The following CPA6 variants were observed in gnomAD, a reference collection of about 807,000 sequenced individuals.
CPA6 encodes the protein carboxypeptidase B.
In CPA6, 58 loss-of-function variants were observed where a neutral mutation model predicts 63.3. The observed-to-expected ratio is 0.92, with a 90% confidence interval of 0.74 to 1.14. The LOEUF (loss-of-function observed/expected upper bound fraction) is 1.14, where lower values mean the gene tolerates loss of function less well. Among genes scored for constraint, CPA6 ranks in the 50% most tolerant of loss-of-function variants. CPA6 has a pLI of 0.00. For missense variants in CPA6, 565 were observed against 526.6 expected, an observed-to-expected ratio of 1.07 and a Z score of -0.71; for synonymous variants, 185 against 179.0, an observed-to-expected ratio of 1.03 and a Z score of -0.27.
At chr8:67,697,090 T>C (rs1366063216) in intron 1 of CPA6, among the ~76,000 whole-genome samples, 1 of 152,192 alleles carries the variant, frequency 6.6e-6, no homozygotes, top group Non-Finnish European at 1.5e-5. Context: ...GATTGGGCAA[T>C]ATACTTAAGG....
chr8:67,661,830 C>G (rs1326395503), intron 1 of CPA6, among the ~76,000 whole-genome samples: 1 of 152,190 alleles, frequency 6.6e-6, no homozygotes, highest in African/African-American at 2.4e-5. Flanking sequence ...CTTGACTACT[C>G]TGGGTACCTC....
chr8:67,743,714 T>C (rs1817954826), intron 1 of CPA6, among the ~76,000 whole-genome samples: 1 of 152,108 alleles, frequency 6.6e-6, no homozygotes, highest in Non-Finnish European at 1.5e-5. Context: ...TTGTTACTAG[T>C]TTATGTCTAA....
At chr8:67,554,189 A>G (rs894832691) in intron 2 of CPA6, among the ~76,000 whole-genome samples, 1 of 152,158 alleles carries the variant, frequency 6.6e-6, no homozygotes, top group African/African-American at 2.4e-5. Flanking sequence ...GGTAATTTAT[A>G]AAGAAAAGAG....
chr8:67,552,459 C>T (rs1402364779), intron 2 of CPA6, among the ~76,000 whole-genome samples: 1 of 152,138 alleles, frequency 6.6e-6, no homozygotes, highest in Non-Finnish European at 1.5e-5. Context: ...TGAAACACAT[C>T]TTAGTACTTT....
chr8:67,651,828 G>C (rs1006451113), intron 1 of CPA6, among the ~76,000 whole-genome samples: 1 of 151,904 alleles, frequency 6.6e-6, no homozygotes, highest in Non-Finnish European at 1.5e-5. Flanking sequence ...CGCCATGTTG[G>C]TGTGCTGCAC....
At chr8:67,447,781 C>G (rs1587436241) in intron 8 of CPA6, among the ~76,000 whole-genome samples, 2 of 151,904 alleles carry the variant, frequency 1.3e-5, no homozygotes, top group African/African-American at 4.8e-5. Context: ...AATTTTACTT[C>G]CTTTTTTTTC....
chr8:67,734,349 A>AG (rs1423693227), intron 1 of CPA6, among the ~76,000 whole-genome samples: 28 of 149,738 alleles, frequency 1.9e-4, no homozygotes, highest in African/African-American at 6.5e-4. Context: ...CCCATGGAAA[A>AG]AAAAAAAAAA....
intron 8 of CPA6, 167 bp downstream of exon 8, chr8:67,483,601 T>C (rs72655000): frequency 0.051 from 31,390 of 611,940 alleles, 1,028 homozygotes; most frequent in East Asian, 0.12. Flanking sequence ...ATCCTTTCAT[T>C]TTCTTTTGCC....
At chr8:67,451,445 T>A (rs1467164463) in intron 8 of CPA6, among the ~76,000 whole-genome samples, 1 of 152,224 alleles carries the variant, frequency 6.6e-6, no homozygotes, top group Non-Finnish European at 1.5e-5. Context: ...GATGGGACTG[T>A]CTAGTTTCAG....
chr8:67,642,317 CAA>C (rs34398433), intron 1 of CPA6, among the ~76,000 whole-genome samples: 46,555 of 135,618 alleles, frequency 0.34, 7,587 homozygotes, highest in African/African-American at 0.44. Context: ...GACTCCATCT[CAA>C]AAAAAAAAAA....
intron 4 of CPA6, among the ~76,000 whole-genome samples, chr8:67,510,933 T>A (rs1433633269): frequency 6.6e-6 from 1 of 152,182 alleles, no homozygotes; most frequent in Non-Finnish European, 1.5e-5. Flanking sequence ...CACTAGGTGT[T>A]GGTGGAGGAG....
In CPA6 at chr8:67,458,676, C is replaced by A. The variant is rs577687473; in HGVS notation, c.839-24436G>T. On this transcript the variant is annotated intron_variant, in intron 8 of 10. Transcript: ENST00000297770. ...GACACATCTTTTAAAGCGTTAGTAT[C>A]AAAAATATATAAAGAGCTCTTAAAA... Among the ~76,000 whole-genome samples the A allele has an allele frequency of 3.3e-5, 5 of 152,206 alleles. No homozygotes were observed. In the South Asian group the frequency reaches 8.3e-4, roughly 25 times the overall value.
chr8:67,671,554 G>C (rs920565068), intron 1 of CPA6, among the ~76,000 whole-genome samples: 4 of 152,156 alleles, frequency 2.6e-5, no homozygotes, highest in Admixed American at 6.5e-5. Context: ...GCCTTATACT[G>C]TCTATACCTG....
intron 1 of CPA6, among the ~76,000 whole-genome samples, chr8:67,727,902 C>T (rs1418194935): frequency 6.6e-6 from 1 of 151,986 alleles, no homozygotes; most frequent in Non-Finnish European, 1.5e-5. Flanking sequence ...CACAGTGAAA[C>T]CTCGTCTCTA....
chr8:67,429,543 C>A (rs557431317), intron 9 of CPA6: 1 of 152,284 alleles, frequency 6.6e-6, no homozygotes, highest in Non-Finnish European at 1.5e-5. Flanking sequence ...TGTGGATATT[C>A]AGGGACCAGG....
In CPA6 at chr8:67,554,052, G is replaced by T. The variant is rs192155739; in HGVS notation, c.193-36005C>A. ...AATGAAAAATAAATATTTTAGTAAA[G>T]GTTCTCCAGAGAGACACAACTGATA... On this transcript the variant is annotated intron_variant, in intron 2 of 10. Transcript: ENST00000297770. Among the ~76,000 whole-genome samples the T allele has an allele frequency of 8.5e-3, 1,299 of 152,192 alleles. 11 individuals are homozygous for T. Among genetic ancestry groups the T allele is most frequent in the Admixed American group, 0.014 (219 of 15,286 alleles).
At chr8:67,644,621 G>C (rs1224865817) in intron 1 of CPA6, among the ~76,000 whole-genome samples, 1 of 152,204 alleles carries the variant, frequency 6.6e-6, no homozygotes, top group East Asian at 1.9e-4. Flanking sequence ...CTGTGCACCG[G>C]AACTTGAAGA....
chr8:67,562,621 G>T (rs535165594), intron 2 of CPA6, among the ~76,000 whole-genome samples: 1 of 152,156 alleles, frequency 6.6e-6, no homozygotes, highest in African/African-American at 2.4e-5. Context: ...AGGAGGTGAC[G>T]CTTTTGGGAG....
intron 1 of CPA6, among the ~76,000 whole-genome samples, chr8:67,640,987 A>C (rs1385824070): frequency 6.6e-6 from 1 of 151,700 alleles, no homozygotes; most frequent in Non-Finnish European, 1.5e-5. Flanking sequence ...CGTCCTGCCC[A>C]GCCATGCAAG....
Sources: allele counts gnomAD v4.1 joint callset (sites outside exome capture counted in the v4.1 genomes callset), GRCh38; gene constraint gnomAD v4.1.1; transcripts MANE v1.5; gene names NCBI Gene and HGNC (gene_info 2026-07-23, HGNC 2026-07-21).